The following PBK variants were observed in gnomAD, a reference collection of about 807,000 sequenced individuals.
PBK encodes the protein lymphokine-activated killer T-cell-originated protein kinase.
Under a neutral mutation model 33.5 loss-of-function variants are expected in PBK, and 22 were observed. The ratio of observed to expected loss-of-function variants is 0.66; its 90% CI spans 0.47 to 0.94. PBK has a LOEUF of 0.94. Among genes scored for constraint, PBK ranks in the 40% least tolerant of loss-of-function variants. The probability of loss-of-function intolerance (pLI) is 0.00; values close to 1 mark genes in which losing one functional copy is unlikely to be tolerated. For missense variants in PBK, 376 were observed against 383.4 expected, an observed-to-expected ratio of 0.98 and a Z score of 0.16; for synonymous variants, 129 against 123.8, an observed-to-expected ratio of 1.04 and a Z score of -0.28.
intron 3 of PBK, among the ~76,000 whole-genome samples, chr8:27,824,121 T>C (rs377627475): frequency 1.4e-4 from 21 of 152,166 alleles, no homozygotes; most frequent in Admixed American, 7.9e-4. Flanking sequence ...TCTTAATTCA[T>C]GTACATCTAT....
chr8:27,834,827 C>G (rs143118468), intron 1 of PBK, among the ~76,000 whole-genome samples: 1 of 151,132 alleles, frequency 6.6e-6, no homozygotes, highest in African/African-American at 2.4e-5. Flanking sequence ...ACCTGGGAGG[C>G]GGAGGTTGCA....
At position 27,810,519 on chromosome 8, in the gene PBK, T is replaced by C. The variant is rs749910672; in HGVS notation, c.773-18A>G. 3.4e-6 allele frequency: 5 copies of C among 1,490,298 alleles called. No individual in the cohort carries two copies. Among genetic ancestry groups the C allele is most frequent in the East Asian group, 2.3e-5 (1 of 44,216 alleles). 92.3% of individuals were successfully genotyped at this position (1,490,298 alleles called of 1,614,324 possible). The stretch of plus-strand genomic sequence containing the variant: ...AGTTTTATCTTGAAGGAGTTAGAGA[T>C]TGAAACAATAAACAAAATCACTTTA... On this transcript the variant is annotated intron_variant, in intron 7 of 7. Transcript: ENST00000301905.
Position 27,811,033 on chromosome 8 carries a change from A to T in PBK, c.697T>A (p.Phe233Ile). 6.2e-7 allele frequency: 1 copy of T among 1,613,146 alleles called. No individual in the cohort carries two copies. Among genetic ancestry groups the T allele is most frequent in the Non-Finnish European group, 8.5e-7 (1 of 1,179,100 alleles). ...ATCATTTCCCACAAAGTAAGGCCAA[A>T]GGCAAATATGTCTGCCTTGTCAGTA... ...VITDKADIFA[F>I]GLTLWEMMTL... Residue 233 changes from phenylalanine (F) to isoleucine (I), a missense_variant, in exon 7 of 8, where the codon TTT becomes ATT. Physicochemically the swap from Phe to Ile is conservative, Grantham distance 21. Coordinates refer to ENST00000301905, the MANE Select transcript of PBK (RefSeq NM_018492.4).
In PBK at chr8:27,830,191, A is replaced by AGT. The variant is rs536823891; in HGVS notation, c.59-1994_59-1993insAC. On this transcript the variant is annotated intron_variant, in intron 2 of 7. Coordinates refer to ENST00000301905, the MANE Select transcript of PBK (RefSeq NM_018492.4). ...GCACTCCGGCCTGGGTGACAGAGCA[A>AGT]GATTCTGTCTCAAGAAAAAAAAAAA... Among the ~76,000 whole-genome samples the AGT allele has an allele frequency of 1.5e-3, 222 of 143,686 alleles. 2 individuals carry two copies. The highest frequency in any genetic ancestry group is 5.5e-3 in the African/African-American group (210 of 38,282). 94.3% of individuals were successfully genotyped at this position (143,686 alleles called of 152,430 possible).
chr8:27,813,080 C>T lies in PBK; in HGVS notation c.596-1946G>A, dbSNP rs1563487838. 3.3e-5 allele frequency among the ~76,000 whole-genome samples: 5 copies of T among 152,140 alleles called. No individual in the cohort carries two copies. The South Asian group carries it at 6.2e-4, about 19-fold the overall frequency. On this transcript the variant is annotated intron_variant, in intron 6 of 7. Transcript: ENST00000301905. Reference sequence around the variant, plus strand: ...AAGACTTGGAACCAACCCAAATGTCCGTCAATGACTGGATTAAGAAAATGT... The same window carrying T: ...AAGACTTGGAACCAACCCAAATGTCTGTCAATGACTGGATTAAGAAAATGT...
At chr8:27,822,996 G>C (rs1451143552) in intron 4 of PBK, 67 bp downstream of exon 4, 5 of 968,926 alleles carry the variant, frequency 5.2e-6, no homozygotes, top group East Asian at 2.5e-5. Context: ...CCAGTTAAGA[G>C]AGCATATAAG....
Position 27,816,345 on chromosome 8 carries a change from A to G in PBK, c.595+4220T>C, listed in dbSNP as rs1363415705. ...AGATTTTGGCTTTTCATCGAATACT[A>G]TATATATATATATTTATTTATTTAT... is the stretch of plus-strand genomic sequence containing the variant. On this transcript the variant is annotated intron_variant, in intron 6 of 7. Coordinates refer to ENST00000301905, the MANE Select transcript of PBK (RefSeq NM_018492.4). 1.2e-4 allele frequency among the ~76,000 whole-genome samples: 17 copies of G among 142,090 alleles called. No individual in the cohort carries two copies. The East Asian group carries it at 3.4e-3, about 28-fold the overall frequency. The allele number at this position is 142,090 out of a possible 152,430, so 93.2% of individuals were successfully genotyped here. A position where few individuals can be genotyped will look rare whatever the true frequency, so the allele number is the denominator to read the frequency against.
chr8:27,826,620 C>A (rs970625928), intron 3 of PBK, among the ~76,000 whole-genome samples: 3 of 110,654 alleles, frequency 2.7e-5, no homozygotes, highest in Non-Finnish European at 5.4e-5. Context: ...CACGGTGAAA[C>A]CCCGTCTCTA....
intron 6 of PBK, among the ~76,000 whole-genome samples, chr8:27,819,516 C>T (rs183718750): frequency 1.3e-5 from 2 of 151,970 alleles, no homozygotes; most frequent in African/African-American, 4.8e-5. Context: ...GTTTTTGTTT[C>T]CTATTTTATT....
rs185068649 is a variant in PBK at position 27,818,488 on chromosome 8, A to T, written c.595+2077T>A. 3.7e-3 allele frequency among the ~76,000 whole-genome samples: 568 copies of T among 152,316 alleles called. 3 individuals carry two copies. The highest frequency in any genetic ancestry group is 6.8e-3 in the Middle Eastern group (2 of 294). On this transcript the variant is annotated intron_variant, in intron 6 of 7. Coordinates refer to ENST00000301905, the MANE Select transcript of PBK (RefSeq NM_018492.4). ...TTTAACAGATAATTTACACAGTGTG[A>T]TGAGTGTTGATAGCAGATTATCTCA...
chr8:27,822,592 CAA>C (rs1805951773), intron 4 of PBK, 104 bp from the exon 5 acceptor site: 2 of 675,006 alleles, frequency 3.0e-6, no homozygotes, highest in African/African-American at 3.7e-5. Flanking sequence ...CTAACGCTGA[CAA>C]ATATACAATG....
intron 1 of PBK, among the ~76,000 whole-genome samples, chr8:27,835,367 G>C (rs917817081): frequency 1.3e-5 from 2 of 152,132 alleles, no homozygotes; most frequent in Admixed American, 6.5e-5. Flanking sequence ...TTGACGGTAG[G>C]AACAGCAGAA....
chr8:27,812,033 G>A (rs192734578), intron 6 of PBK: 4 of 152,136 alleles, frequency 2.6e-5, no homozygotes, highest in African/African-American at 9.6e-5. Context: ...CTGCAAACGG[G>A]GACAGTTTCG....
At chr8:27,811,368 A>G in intron 6 of PBK, 1 of 588,700 alleles carries the variant, frequency 1.7e-6, no homozygotes, top group South Asian at 2.0e-5. Context: ...ATTCTCTTAC[A>G]AATTAGTAGG....
intron 2 of PBK, among the ~76,000 whole-genome samples, chr8:27,832,270 A>G (rs1264304224): frequency 6.6e-6 from 1 of 152,202 alleles, no homozygotes; most frequent in Non-Finnish European, 1.5e-5. Flanking sequence ...TCACGATAAT[A>G]ACTAGAAATA....
intron 2 of PBK, among the ~76,000 whole-genome samples, chr8:27,829,561 T>C (rs1215235369): frequency 6.6e-6 from 1 of 152,034 alleles, no homozygotes; most frequent in Non-Finnish European, 1.5e-5. Flanking sequence ...ATATGACCAA[T>C]ATAGGAGAAA....
chr8:27,826,305 C>T (rs1806022902), intron 3 of PBK, among the ~76,000 whole-genome samples: 1 of 152,048 alleles, frequency 6.6e-6, no homozygotes, highest in African/African-American at 2.4e-5. Flanking sequence ...TGCAAATTCT[C>T]AAAAAAATAT....
intron 6 of PBK, among the ~76,000 whole-genome samples, chr8:27,813,928 T>TTATC (rs1805757798): frequency 6.6e-6 from 1 of 151,968 alleles, no homozygotes; most frequent in Admixed American, 6.6e-5. Flanking sequence ...ATCAGTTTAT[T>TTATC]TTTCTGTGTA....
Position 27,837,680 on chromosome 8 carries a change from C to G in PBK, c.-49G>C, listed in dbSNP as rs200576056. 1 of 152,322 alleles carries G rather than the reference C, an allele frequency of 6.6e-6. No individual in the cohort carries two copies. The highest frequency in any genetic ancestry group is 1.5e-5 in the Non-Finnish European group (1 of 68,110). The allele number at this position is 152,322 out of a possible 1,614,324, so 9.4% of individuals were successfully genotyped here. On this transcript the variant is annotated 5_prime_UTR_variant, in exon 1 of 8. Transcript: ENST00000301905. ...AGTCTCACCGCCTGGAAGGAAAGGT[C>G]GGAGGTGAAAATAAGTCGTGGCCAA... is the stretch of plus-strand genomic sequence containing the variant.
Sources: gnomAD v4.1 joint callset for allele counts (sites outside exome capture counted in the v4.1 genomes callset) on GRCh38, gnomAD v4.1.1 for gene constraint, MANE v1.5 for transcripts, NCBI Gene and HGNC (gene_info 2026-07-23, HGNC 2026-07-21) for gene names.